The following TRIB3 variants were observed in gnomAD, a reference collection of about 807,000 sequenced individuals.
TRIB3 encodes the protein tribbles pseudokinase 3, also known as tribbles homolog 3.
A neutral mutation model predicts 16.6 loss-of-function variants in TRIB3; 20 were observed. The observed-to-expected ratio is 1.20, with a 90% CI of 0.85 to 1.75. The LOEUF (loss-of-function observed/expected upper bound fraction) is 1.75. Among genes scored for constraint, TRIB3 ranks in the 40% most tolerant of loss-of-function variants. The pLI is 0.00. For missense variants in TRIB3, 484 were observed against 488.9 expected (o/e 0.99, Z 0.10); for synonymous variants, 208 against 217.0 (o/e 0.96, Z 0.36).
In TRIB3 at chr20:394,029, TTTC is replaced by T. The variant is rs1204444967; in HGVS notation, c.585-2166_585-2164del. 1.2e-3 allele frequency among the ~76,000 whole-genome samples: 174 copies of T among 146,542 alleles called. 1 individual carries two copies. The highest frequency in any genetic ancestry group is 0.01 in the East Asian group (52 of 4,956). Reference sequence around the variant, plus strand: ...ATTTTCTTTTTCTTTTTTTTCTTTCTTTCTTTTTTTTTTTTTTTTGAGACAGAG... The same window carrying T: ...ATTTTCTTTTTCTTTTTTTTCTTTCTTTTTTTTTTTTTTTTTGAGACAGAG... On this transcript the variant is annotated intron_variant, in intron 3 of 3. Transcript: ENST00000217233.
chr20:390,125 G>A (rs1485342341), intron 2 of TRIB3, among the ~76,000 whole-genome samples: 1 of 152,080 alleles, frequency 6.6e-6, no homozygotes, highest in African/African-American at 2.4e-5. Context: ...TCAGGAGTTC[G>A]AGACTATCCT....
At position 380,978 on chromosome 20, in the gene TRIB3, G is replaced by GATTAGCTCCGGTTTGGATCACCCGGA. The variant is rs1475836304; in HGVS notation, c.-192_-191insATTAGCTCCGGTTTGGATCACCCGGA. The GATTAGCTCCGGTTTGGATCACCCGGA allele has an allele frequency of 6.6e-6, 1 of 150,488 alleles. No individual in the cohort carries two copies. Among genetic ancestry groups the GATTAGCTCCGGTTTGGATCACCCGGA allele is most frequent in the Non-Finnish European group, 1.5e-5 (1 of 67,498 alleles). The allele number at this position is 150,488 out of a possible 1,614,324, so 9.3% of individuals were successfully genotyped here. ...CCGGTTTGCATCACCCGGACCGGGGGCCGGGCGCGCACGAGACTCGCAGCG... is the reference window on the plus strand; with the variant it reads ...CCGGTTTGCATCACCCGGACCGGGGGATTAGCTCCGGTTTGGATCACCCGGACCGGGCGCGCACGAGACTCGCAGCG... On this transcript the variant is annotated 5_prime_UTR_variant, in exon 1 of 4. The change abolishes the stop of an existing upstream ORF in the 5' untranslated region. Transcript: ENST00000217233.
intron 2 of TRIB3, 126 bp from the exon 3 acceptor site, chr20:391,161 T>C: frequency 9.3e-7 from 1 of 1,072,128 alleles, no homozygotes; most frequent in South Asian, 1.5e-5. Context: ...AGTGACTCGG[T>C]CAGTGAAGCG....
rs545991761 is a variant in TRIB3 at position 388,864 on chromosome 20, G to A, written c.291+563G>A. ...CTCCTGGGACCTCGGAGGTGATCGAGCCTAACCTGGGGCCATTTTACAGAT... is the reference window on the plus strand; with the variant it reads ...CTCCTGGGACCTCGGAGGTGATCGAACCTAACCTGGGGCCATTTTACAGAT... On this transcript the variant is annotated intron_variant, in intron 2 of 3. Coordinates refer to ENST00000217233, the MANE Select transcript of TRIB3 (RefSeq NM_021158.5). Among the ~76,000 whole-genome samples, 14 of 152,250 alleles carry A rather than the reference G, an allele frequency of 9.2e-5. No homozygotes were observed. In the East Asian group the frequency reaches 2.7e-3, roughly 29 times the overall value.
chr20:387,962 G>C (rs376562287), intron 1 of TRIB3, 49 bp from the exon 2 acceptor site: 9 of 1,577,364 alleles, frequency 5.7e-6, no homozygotes, highest in Admixed American at 1.7e-5. Context: ...GGGGAAAGGA[G>C]GGGCCACCAA....
chr20:396,701 C>A lies in TRIB3; in HGVS notation c.*11C>A. On this transcript the variant is annotated 3_prime_UTR_variant, in exon 4 of 4. Transcript: ENST00000217233. Reference sequence around the variant, plus strand: ...GTTCTGTATGGCTAGGACCACCCTACTACACGCTCAGCTGCCAACAGTGGA... The same window carrying A: ...GTTCTGTATGGCTAGGACCACCCTAATACACGCTCAGCTGCCAACAGTGGA... 1 of 1,591,574 alleles carries A rather than the reference C, an allele frequency of 6.3e-7. No homozygotes were observed. The highest frequency in any genetic ancestry group is 8.6e-7 in the Non-Finnish European group (1 of 1,166,616).
At chr20:393,060 GACTT>G (rs2015023611) in intron 3 of TRIB3, among the ~76,000 whole-genome samples, 2 of 147,236 alleles carry the variant, frequency 1.4e-5, no homozygotes, top group African/African-American at 2.5e-5. Flanking sequence ...AATAATTTTA[GACTT>G]TTAGAAAACC....
At chr20:387,807 T>A (rs2014859454) in intron 1 of TRIB3, among the ~76,000 whole-genome samples, 1 of 152,182 alleles carries the variant, frequency 6.6e-6, no homozygotes, top group South Asian at 2.1e-4. Flanking sequence ...GCCTTTACTA[T>A]ATTTAATTTT....
At chr20:391,757 C>T (rs1210458740) in intron 3 of TRIB3, among the ~76,000 whole-genome samples, 178 bp downstream of exon 3, 1 of 152,202 alleles carries the variant, frequency 6.6e-6, no homozygotes, top group Non-Finnish European at 1.5e-5. Flanking sequence ...TGCAGTGGCT[C>T]ACGCCTTTAA....
chr20:390,549 G>T (rs1407099092), intron 2 of TRIB3, among the ~76,000 whole-genome samples: 1 of 152,176 alleles, frequency 6.6e-6, no homozygotes, highest in Non-Finnish European at 1.5e-5. Flanking sequence ...GCGTGGGTGG[G>T]CAAAGAGGAC....
At position 388,082 on chromosome 20, in the gene TRIB3, C is replaced by G. The variant is rs1289001951; in HGVS notation, c.72C>G (p.Asn24Lys). ...SRKKRLELDD[N>K]LDTERPVQKR... is the part of the protein sequence containing the mutation. Reference sequence around the variant, plus strand: ...AGAAGCGGTTGGAGTTGGATGACAACTTAGATACCGAGCGTCCCGTCCAGA... The same window carrying G: ...AGAAGCGGTTGGAGTTGGATGACAAGTTAGATACCGAGCGTCCCGTCCAGA... Residue 24 changes from asparagine (N) to lysine (K), a missense_variant, in exon 2 of 4, where the codon AAC becomes AAG. Asn to Lys is a moderately conservative substitution (Grantham distance 94). Transcript: ENST00000217233. The G allele has an allele frequency of 1.2e-6, 2 of 1,614,136 alleles. No homozygotes were observed. Among genetic ancestry groups the G allele is most frequent in the South Asian group, 1.1e-5 (1 of 91,084 alleles).
chr20:395,366 G>T (rs1273963903), intron 3 of TRIB3, among the ~76,000 whole-genome samples: 3 of 151,914 alleles, frequency 2.0e-5, no homozygotes, highest in Non-Finnish European at 4.4e-5. Context: ...TTACCGTGTT[G>T]CCCAGGCTGG....
intron 1 of TRIB3, among the ~76,000 whole-genome samples, chr20:382,099 CTG>C (rs5839857): frequency 0.17 from 23,547 of 142,138 alleles, 1,956 homozygotes; most frequent in African/African-American, 0.22. Context: ...GCTGGGAGGG[CTG>C]TGTGTGTGTG....
intron 2 of TRIB3, among the ~76,000 whole-genome samples, chr20:389,555 C>T (rs2014914743): frequency 6.6e-6 from 1 of 152,194 alleles, no homozygotes; most frequent in Admixed American, 6.5e-5. Context: ...CAGCCCCTAG[C>T]TTCACCTGGC....
chr20:387,335 A>G (rs889101793), intron 1 of TRIB3, among the ~76,000 whole-genome samples: 1 of 152,130 alleles, frequency 6.6e-6, no homozygotes, highest in Admixed American at 6.6e-5. Context: ...TAATAGTAAG[A>G]GTCTCCTCCT....
chr20:388,662 T>C (rs569550021), intron 2 of TRIB3, among the ~76,000 whole-genome samples: 2 of 152,050 alleles, frequency 1.3e-5, no homozygotes, highest in South Asian at 4.2e-4. Context: ...GATAGCACTT[T>C]AGAGAATGAA....
Position 388,001 on chromosome 20 carries a change from T to G in TRIB3, c.1-10T>G, listed in dbSNP as rs112238247. The G allele has an allele frequency of 1.5e-5, 24 of 1,609,462 alleles. No individual in the cohort carries two copies. In the African/African-American group the frequency reaches 2.4e-4, roughly 16 times the overall value. On this transcript the variant is annotated splice_polypyrimidine_tract_variant and intron_variant, in intron 1 of 3. Transcript: ENST00000217233. ...GTCTCACTTTAGTGCTTTTCTCTCC[T>G]TTTTACCAGATGCGAGCCACCCCTC...
At chr20:394,753 T>A (rs2015079301) in intron 3 of TRIB3, among the ~76,000 whole-genome samples, 1 of 149,844 alleles carries the variant, frequency 6.7e-6, no homozygotes, top group Non-Finnish European at 1.5e-5. Context: ...ACCACTGCAC[T>A]CCAGCCTGGG....
intron 1 of TRIB3, among the ~76,000 whole-genome samples, chr20:385,065 C>T (rs8119564): frequency 0.068 from 10,398 of 152,184 alleles, 903 homozygotes; most frequent in East Asian, 0.19. Flanking sequence ...ATATGATGCT[C>T]GTAGAGCCCT....
Sources: gnomAD v4.1 joint callset for allele counts (sites outside exome capture counted in the v4.1 genomes callset) on GRCh38, gnomAD v4.1.1 for gene constraint, MANE v1.5 for transcripts, NCBI Gene and HGNC (gene_info 2026-07-23, HGNC 2026-07-21) for gene names.